Variants in KIAA1549L observed in about 807,000 individuals in gnomAD.
KIAA1549L encodes the protein KIAA1549 like.
Under a neutral mutation model 160.7 loss-of-function variants are expected in KIAA1549L, and 88 were observed. That is an observed-to-expected ratio of 0.55 (90% confidence interval 0.46 to 0.65). KIAA1549L has a LOEUF of 0.65. Ranked by LOEUF, KIAA1549L falls within the 30% of genes least tolerant of loss-of-function variation. The pLI is 0.00. For missense variants in KIAA1549L, 2,258 were observed against 2,437.5 expected (o/e 0.93, Z 1.55); for synonymous variants, 950 against 976.7 (o/e 0.97, Z 0.51).
intron 10 of KIAA1549L, among the ~76,000 whole-genome samples, chr11:33,583,136 G>A (rs1855696234): frequency 2.0e-5 from 3 of 152,180 alleles, no homozygotes; most frequent in African/African-American, 2.4e-5. Context: ...TTTTACAGAT[G>A]AGGAAACTGA....
intron 1 of KIAA1549L, among the ~76,000 whole-genome samples, chr11:33,439,907 A>G (rs1390317724): frequency 2.0e-5 from 3 of 152,066 alleles, no homozygotes; most frequent in Non-Finnish European, 4.4e-5. Context: ...CAAACATCAT[A>G]TAGCTAGCTT....
intron 1 of KIAA1549L, among the ~76,000 whole-genome samples, chr11:33,487,362 GGAT>G (rs1170931718): frequency 6.6e-6 from 1 of 151,368 alleles, no homozygotes; most frequent in East Asian, 1.9e-4. Flanking sequence ...GCAGGTTGCT[GGAT>G]GATGAGCCCT....
chr11:33,480,425 C>A (rs1039355532), intron 1 of KIAA1549L, among the ~76,000 whole-genome samples: 2 of 152,174 alleles, frequency 1.3e-5, no homozygotes. Flanking sequence ...TTTATTTGCT[C>A]GTTCATGAGT....
chr11:33,583,519 G>A lies in KIAA1549L; in HGVS notation c.4566+18G>A, dbSNP rs1855715119. ...GAGCAAAGGTATATGGAAGTGGTGG[G>A]GAGAGGGGCAGGAGGACAGGCCTGC... is the stretch of plus-strand genomic sequence containing the variant. On this transcript the variant is annotated intron_variant, in intron 11 of 20. Coordinates refer to ENST00000658780, the MANE Select transcript of KIAA1549L (RefSeq NM_012194.3). 6.4e-7 allele frequency: 1 copy of A among 1,561,452 alleles called. No homozygotes were observed. The highest frequency in any genetic ancestry group is 1.7e-4 in the Middle Eastern group (1 of 5,994).
At chr11:33,654,299 T>C (rs933182168) in intron 17 of KIAA1549L, among the ~76,000 whole-genome samples, 2 of 152,212 alleles carry the variant, frequency 1.3e-5, no homozygotes, top group African/African-American at 4.8e-5. Context: ...AAAACATTTT[T>C]TACGTTGTTA....
chr11:33,656,036 G>C lies in KIAA1549L; in HGVS notation c.5785G>C (p.Glu1929Gln). ...GGCTTACAGGTTTTCCCAGCTTCCT[G>C]AGATGGTCATGGGCTCACCGCCTCC... ...RPAYRFSQLP[E>Q]MVMGSPPPPV... Residue 1929 changes from glutamate to glutamine, a missense_variant, in exon 18 of 21, where the codon GAG (glutamate) becomes CAG (glutamine). By Grantham distance (29) the Glu-to-Gln change is conservative. Coordinates refer to ENST00000658780, the MANE Select transcript of KIAA1549L (RefSeq NM_012194.3). 6.2e-7 allele frequency: 1 copy of C among 1,613,898 alleles called. No individual in the cohort carries two copies. The highest frequency in any genetic ancestry group is 8.5e-7 in the Non-Finnish European group (1 of 1,179,830).
chr11:33,628,015 C>CT (rs1341079736), intron 16 of KIAA1549L, among the ~76,000 whole-genome samples: 1 of 152,062 alleles, frequency 6.6e-6, no homozygotes, highest in Non-Finnish European at 1.5e-5. Context: ...CAAAGAACAT[C>CT]TTTATTTCTG....
chr11:33,531,834 C>T (rs1853780421), intron 1 of KIAA1549L, among the ~76,000 whole-genome samples: 1 of 152,094 alleles, frequency 6.6e-6, no homozygotes, highest in Non-Finnish European at 1.5e-5. Flanking sequence ...GCTCTTAGTC[C>T]ATCTCTTTTG....
intron 16 of KIAA1549L, among the ~76,000 whole-genome samples, chr11:33,635,751 A>G (rs1029307134): frequency 6.6e-5 from 10 of 152,044 alleles, no homozygotes; most frequent in African/African-American, 2.2e-4. Flanking sequence ...ACTGTTGAAG[A>G]CTTTTGAGTA....
In KIAA1549L at chr11:33,542,834, C is replaced by T. The variant is rs1590324869; in HGVS notation, c.1271C>T (p.Ala424Val). ...HEAEPPLFQT[A>V]ESGAIEMTSR... ...GCTGAGCCTCCACTTTTCCAGACTG[C>T]AGAATCAGGGGCCATAGAAATGACC... The change falls in exon 2 of 21, where the codon GCA becomes GTA. Residue 424 changes from alanine (A) to valine (V), a missense_variant. Physicochemically the swap from Ala to Val is moderately conservative, Grantham distance 64 (BLOSUM62 0). Around this residue, in one of 6 missense-constraint regions of KIAA1549L, gnomAD observed 540 missense variants for 465.7 expected, o/e 1.16. Transcript: ENST00000658780. The T allele has an allele frequency of 3.7e-6, 6 of 1,613,792 alleles. No homozygotes were observed. The highest frequency in any genetic ancestry group is 5.1e-6 in the Non-Finnish European group (6 of 1,179,862).
At chr11:33,606,875 T>G in intron 14 of KIAA1549L, 53 bp downstream of exon 14, 1 of 1,470,404 alleles carries the variant, frequency 6.8e-7, no homozygotes, top group Non-Finnish European at 9.2e-7. Context: ...CTTGGGAAAT[T>G]CGGACGAAGG....
At chr11:33,450,394 C>T (rs1189818304) in intron 1 of KIAA1549L, among the ~76,000 whole-genome samples, 1 of 151,966 alleles carries the variant, frequency 6.6e-6, no homozygotes, top group South Asian at 2.1e-4. Flanking sequence ...CCTATCATTA[C>T]AAAAATATAA....
chr11:33,480,481 C>A (rs1436025385), intron 1 of KIAA1549L, among the ~76,000 whole-genome samples: 1 of 152,124 alleles, frequency 6.6e-6, no homozygotes, highest in East Asian at 1.9e-4. Flanking sequence ...TGTGAACACT[C>A]GTGTACAAGT....
chr11:33,441,168 G>A (rs1446535189), intron 1 of KIAA1549L, among the ~76,000 whole-genome samples: 1 of 151,362 alleles, frequency 6.6e-6, no homozygotes, highest in African/African-American at 2.4e-5. Flanking sequence ...AGAACATGCG[G>A]TGCTTGGTTT....
intron 1 of KIAA1549L, among the ~76,000 whole-genome samples, chr11:33,401,245 T>A (rs1437002033): frequency 6.8e-6 from 1 of 147,984 alleles, no homozygotes; most frequent in Admixed American, 6.8e-5. Flanking sequence ...ATTAATATAG[T>A]ATATATAAAT....
intron 11 of KIAA1549L, among the ~76,000 whole-genome samples, chr11:33,586,252 G>A (rs924823365): frequency 6.6e-6 from 1 of 152,216 alleles, no homozygotes; most frequent in South Asian, 2.1e-4. Context: ...GGGCACTCCC[G>A]GGGATCCTTC....
intron 17 of KIAA1549L, among the ~76,000 whole-genome samples, chr11:33,647,202 T>G (rs1448059121): frequency 1.3e-5 from 2 of 152,014 alleles, no homozygotes; most frequent in African/African-American, 4.8e-5. Flanking sequence ...CTGGGCAACG[T>G]GGTGAAACCC....
At position 33,468,499 on chromosome 11, in the gene KIAA1549L, G is replaced by A. The variant is rs569136437; in HGVS notation, c.239-73303G>A. On this transcript the variant is annotated intron_variant, in intron 1 of 20. Coordinates refer to ENST00000658780, the MANE Select transcript of KIAA1549L (RefSeq NM_012194.3). ...TGGGACATACCTGTGTCATTTCTGA[G>A]CCAGGACACACCTGCGACTGCAGGT... is the stretch of plus-strand genomic sequence containing the variant. Among the ~76,000 whole-genome samples, 353 of 152,334 alleles carry A rather than the reference G, an allele frequency of 2.3e-3. 1 individual carries two copies. Among genetic ancestry groups the A allele is most frequent in the Non-Finnish European group, 4.1e-3 (276 of 68,038 alleles).
At chr11:33,390,983 T>C (rs1220109152) in intron 1 of KIAA1549L, among the ~76,000 whole-genome samples, 1 of 152,164 alleles carries the variant, frequency 6.6e-6, no homozygotes, top group Non-Finnish European at 1.5e-5. Flanking sequence ...GCACGATGTC[T>C]CCAAGGACTT....
Sources: allele counts gnomAD v4.1 joint callset (sites outside exome capture counted in the v4.1 genomes callset), GRCh38; gene constraint gnomAD v4.1.1; regional missense constraint gnomAD v4.1.1; transcripts MANE v1.5; gene names NCBI Gene and HGNC (gene_info 2026-07-23, HGNC 2026-07-21).